The following TAFA2 variants were observed in gnomAD, a reference collection of about 807,000 sequenced individuals.
The protein encoded by TAFA2 is chemokine-like protein TAFA-2.
In TAFA2, 7 loss-of-function variants were observed where a neutral mutation model predicts 18.8. The observed-to-expected ratio is 0.37, with a 90% CI of 0.21 to 0.70. The LOEUF (loss-of-function observed/expected upper bound fraction) is 0.70. TAFA2 is among the 30% of genes least tolerant of loss of function. The pLI, the probability that TAFA2 is intolerant of heterozygous loss-of-function variation, is 0.53. For synonymous variants in TAFA2, 60 were observed against 54.2 expected (o/e 1.11, Z -0.47); for missense variants, 122 against 158.1 (o/e 0.77, Z 1.23).
intron 1 of TAFA2, among the ~76,000 whole-genome samples, chr12:62,082,613 A>G (rs1868341455): frequency 6.6e-6 from 1 of 152,156 alleles, no homozygotes; most frequent in Non-Finnish European, 1.5e-5. Context: ...AAGTTTAGAT[A>G]TTTCTTCCAA....
intron 1 of TAFA2, among the ~76,000 whole-genome samples, chr12:61,941,542 C>T (rs1005379954): frequency 6.6e-5 from 10 of 152,130 alleles, no homozygotes; most frequent in Admixed American, 3.9e-4. Flanking sequence ...TCTGAGGTAC[C>T]GGGTTCATCT....
chr12:61,964,377 A>G (rs1878997988), intron 1 of TAFA2, among the ~76,000 whole-genome samples: 1 of 151,898 alleles, frequency 6.6e-6, no homozygotes, highest in East Asian at 1.9e-4. Context: ...AGATTTTTAT[A>G]AAAGTCTCCT....
At chr12:61,869,149 C>T (rs1000363759) in intron 1 of TAFA2, among the ~76,000 whole-genome samples, 1 of 152,088 alleles carries the variant, frequency 6.6e-6, no homozygotes, top group Non-Finnish European at 1.5e-5. Flanking sequence ...TCTCTGTGGA[C>T]CTTAGCCTCA....
intron 1 of TAFA2, among the ~76,000 whole-genome samples, chr12:62,094,261 T>C (rs1044203569): frequency 6.6e-6 from 1 of 152,010 alleles, no homozygotes; most frequent in African/African-American, 2.4e-5. Flanking sequence ...GTGTTCTCAC[T>C]TATAAGTGGG....
intron 1 of TAFA2, among the ~76,000 whole-genome samples, chr12:62,228,099 ATTGT>A (rs962153586): frequency 5.9e-5 from 9 of 152,102 alleles, no homozygotes; most frequent in African/African-American, 2.2e-4. Context: ...CTCTGAAATA[ATTGT>A]TTTAATTTTT....
In TAFA2 at chr12:61,781,701, AAT is replaced by A. The variant is rs1271697210; in HGVS notation, c.107-26679_107-26678del. ...AAGAATGTTAGAAATACACGATAAA[AAT>A]ATGTCTTAAAGTTTTTAATGAATCT... On this transcript the variant is annotated intron_variant, in intron 2 of 4. Coordinates refer to ENST00000416284, the MANE Select transcript of TAFA2 (RefSeq NM_178539.5). Among the ~76,000 whole-genome samples the A allele has an allele frequency of 2.6e-5, 4 of 151,846 alleles. No individual in the cohort carries two copies. The East Asian group carries it at 7.8e-4, about 30-fold the overall frequency.
intron 4 of TAFA2, among the ~76,000 whole-genome samples, chr12:61,734,313 T>C (rs1592353169): frequency 7.2e-6 from 1 of 139,526 alleles, no homozygotes; most frequent in African/African-American, 2.7e-5. Flanking sequence ...GAATTGAACA[T>C]TGAAAACACA....
intron 2 of TAFA2, among the ~76,000 whole-genome samples, chr12:61,819,595 CT>C (rs1164058966): frequency 6.6e-6 from 1 of 152,006 alleles, no homozygotes; most frequent in African/African-American, 2.4e-5. Flanking sequence ...TATATTTTTC[CT>C]CAGATTCTAT....
At chr12:61,932,973 C>T (rs1014463691) in intron 1 of TAFA2, among the ~76,000 whole-genome samples, 11 of 152,086 alleles carry the variant, frequency 7.2e-5, no homozygotes, top group Non-Finnish European at 1.0e-4. Context: ...CCTGGAAGTA[C>T]GGAACTAAGA....
intron 2 of TAFA2, among the ~76,000 whole-genome samples, chr12:61,838,894 A>G (rs1873049814): frequency 6.6e-6 from 1 of 152,090 alleles, no homozygotes; most frequent in Admixed American, 6.6e-5. Flanking sequence ...CTGGCATCTA[A>G]TTGGTTGAAA....
chr12:62,011,062 A>G (rs1230098051), intron 1 of TAFA2, among the ~76,000 whole-genome samples: 30 of 101,024 alleles, frequency 3.0e-4, no homozygotes, highest in Admixed American at 6.0e-4. Context: ...GTCTCTGCCC[A>G]GCCGCCCCGT....
intron 1 of TAFA2, among the ~76,000 whole-genome samples, chr12:61,917,474 C>T (rs1187420187): frequency 6.6e-6 from 1 of 152,088 alleles, no homozygotes; most frequent in Non-Finnish European, 1.5e-5. Context: ...CACAAGGCAA[C>T]ACATTCCATT....
intron 1 of TAFA2, among the ~76,000 whole-genome samples, chr12:62,039,709 C>T (rs1881707369): frequency 6.6e-6 from 1 of 152,156 alleles, no homozygotes; most frequent in African/African-American, 2.4e-5. Flanking sequence ...GTTGCATGAA[C>T]AATCCTGAGA....
At chr12:62,079,909 C>T (rs1868293752) in intron 1 of TAFA2, among the ~76,000 whole-genome samples, 1 of 152,182 alleles carries the variant, frequency 6.6e-6, no homozygotes, top group Admixed American at 6.5e-5. Context: ...CAGCTTAAAA[C>T]AATACCCACT....
At chr12:61,744,332 A>T (rs1246765772) in intron 4 of TAFA2, among the ~76,000 whole-genome samples, 1 of 152,166 alleles carries the variant, frequency 6.6e-6, no homozygotes, top group Non-Finnish European at 1.5e-5. Context: ...CAAATATTGC[A>T]GAAGCATCTA....
intron 1 of TAFA2, among the ~76,000 whole-genome samples, chr12:61,938,106 C>A (rs1877845339): frequency 1.3e-5 from 2 of 151,794 alleles, no homozygotes; most frequent in South Asian, 2.1e-4. Context: ...AGTGAGATAC[C>A]ACCTTACCCT....
At chr12:61,769,439 C>G (rs868239031) in intron 2 of TAFA2, among the ~76,000 whole-genome samples, 38 of 151,976 alleles carry the variant, frequency 2.5e-4, no homozygotes, top group African/African-American at 7.2e-4. Context: ...CAACACAAAA[C>G]CATTGCATTA....
At chr12:61,984,367 G>C (rs1879745751) in intron 1 of TAFA2, among the ~76,000 whole-genome samples, 1 of 152,168 alleles carries the variant, frequency 6.6e-6, no homozygotes, top group South Asian at 2.1e-4. Context: ...GGAGAACCCC[G>C]GTCTTGTCAT....
chr12:61,801,429 A>G (rs920443069), intron 2 of TAFA2, among the ~76,000 whole-genome samples: 4 of 152,106 alleles, frequency 2.6e-5, no homozygotes, highest in African/African-American at 9.7e-5. Flanking sequence ...ACAGACACAA[A>G]GAACAGAGAA....
Sources: allele counts gnomAD v4.1 joint callset (sites outside exome capture counted in the v4.1 genomes callset), GRCh38; gene constraint gnomAD v4.1.1; transcripts MANE v1.5; gene names NCBI Gene and HGNC (gene_info 2026-07-23, HGNC 2026-07-21).